EIF2A: variants seen among roughly 807,000 people sequenced by gnomAD.
EIF2A encodes the protein eukaryotic translation initiation factor 2A.
In EIF2A, 62 loss-of-function variants were observed where a neutral mutation model predicts 75.2. The observed-to-expected ratio is 0.82, with a 90% CI of 0.67 to 1.02. The LOEUF is 1.02. EIF2A is among the 50% of genes least tolerant of loss of function. The probability of loss-of-function intolerance (pLI) is 0.00; values close to 1 mark genes in which losing one functional copy is unlikely to be tolerated. For synonymous variants in EIF2A, 207 were observed against 239.0 expected (o/e 0.87, Z 1.23); for missense variants, 611 against 677.7 (o/e 0.90, Z 1.09).
intron 1 of EIF2A, 193 bp downstream of exon 1, chr3:150,547,023 A>G: frequency 1.6e-6 from 1 of 642,112 alleles, no homozygotes; most frequent in Non-Finnish European, 2.7e-6. Flanking sequence ...GGGCTTTCGT[A>G]TTCCCCCTCC....
At chr3:150,571,803 C>T (rs1724540053) in intron 9 of EIF2A, among the ~76,000 whole-genome samples, 155 bp from the exon 10 acceptor site, 1 of 151,802 alleles carries the variant, frequency 6.6e-6, no homozygotes. Flanking sequence ...CATTAATCCC[C>T]CTAGTATATA....
intron 11 of EIF2A, among the ~76,000 whole-genome samples, chr3:150,576,762 A>G (rs1478026108): frequency 2.0e-5 from 3 of 152,240 alleles, no homozygotes; most frequent in Admixed American, 6.5e-5. Context: ...TTATAGTACT[A>G]TATGAAATTA....
rs1725383410 is a variant in EIF2A at position 150,584,860 on chromosome 3, A to G, written c.*949A>G. Among the ~76,000 whole-genome samples, 1 of 152,080 alleles carries G rather than the reference A, an allele frequency of 6.6e-6. No homozygotes were observed. The highest frequency in any genetic ancestry group is 6.5e-5 in the Admixed American group (1 of 15,278). ...TTTTAAAAATTTTTAAAGAAAAAGT[A>G]TACACACAGGACTTTTTTTTTTCTA... On this transcript the variant is annotated 3_prime_UTR_variant, in exon 14 of 14. Coordinates refer to ENST00000460851, the MANE Select transcript of EIF2A (RefSeq NM_032025.5).
intron 1 of EIF2A, chr3:150,547,302 T>A (rs554414840): frequency 5.7e-6 from 1 of 174,926 alleles, no homozygotes; most frequent in East Asian, 1.4e-4. Context: ...TAGGACTGAA[T>A]AGGGAGAGTG....
chr3:150,575,632 T>G lies in EIF2A; in HGVS notation c.1384-17T>G. On this transcript the variant is annotated splice_polypyrimidine_tract_variant and intron_variant, in intron 10 of 13. Coordinates refer to ENST00000460851, the MANE Select transcript of EIF2A (RefSeq NM_032025.5). ...CAACATGGACTCCATTTCAAAATTA[T>G]TTTACATTTTCCATAGCATGAAGAG... 6.3e-7 allele frequency: 1 copy of G among 1,585,330 alleles called. No individual in the cohort carries two copies.
chr3:150,557,437 C>T lies in EIF2A; in HGVS notation c.99-951C>T, dbSNP rs74773234. The T allele has an allele frequency of 8.1e-3, 1,294 of 160,166 alleles. 133 individuals carry two copies. In the East Asian group the frequency reaches 0.2, roughly 24 times the overall value. 9.9% of individuals were successfully genotyped at this position (160,166 alleles called of 1,614,324 possible). ...TTTATTTTTTTGTGTGGTGGAGTCT[C>T]ACTCTTTCGCCCAGGCTGGACAGTG... is the stretch of plus-strand genomic sequence containing the variant. On this transcript the variant is annotated intron_variant, in intron 2 of 13. Coordinates refer to ENST00000460851, the MANE Select transcript of EIF2A (RefSeq NM_032025.5).
chr3:150,568,312 T>C lies in EIF2A; in HGVS notation c.811+20T>C. ...AATTACGTGAGTATTCCAGCAGTCT[T>C]CCTTTGATTAGAAACAATGATAGTA... On this transcript the variant is annotated intron_variant, in intron 9 of 13. Transcript: ENST00000460851. 6.4e-7 allele frequency: 1 copy of C among 1,563,972 alleles called. No homozygotes were observed. The highest frequency in any genetic ancestry group is 1.4e-5 in the African/African-American group (1 of 73,388).
At chr3:150,560,061 G>A (rs1178850524) in intron 3 of EIF2A, among the ~76,000 whole-genome samples, 4 of 151,844 alleles carry the variant, frequency 2.6e-5, no homozygotes, top group African/African-American at 9.7e-5. Flanking sequence ...GTTTGTTTTT[G>A]AAGTATTCCT....
chr3:150,565,613 G>A (rs1724126388), intron 6 of EIF2A, among the ~76,000 whole-genome samples: 1 of 151,866 alleles, frequency 6.6e-6, no homozygotes, highest in Non-Finnish European at 1.5e-5. Flanking sequence ...TTTTGTCCAA[G>A]CTGAGTGCAA....
intron 11 of EIF2A, among the ~76,000 whole-genome samples, chr3:150,578,325 TATA>T (rs1724984932): frequency 6.7e-6 from 1 of 148,516 alleles, no homozygotes; most frequent in East Asian, 1.9e-4. Flanking sequence ...TATACTAAAT[TATA>T]ATTGTATTAA....
intron 2 of EIF2A, among the ~76,000 whole-genome samples, chr3:150,556,857 G>C (rs565509862): frequency 6.6e-6 from 1 of 152,294 alleles, no homozygotes; most frequent in East Asian, 1.9e-4. Flanking sequence ...AAGTCAAAAT[G>C]AGCTTCCTAA....
rs890013633 is a variant in EIF2A at position 150,584,872 on chromosome 3, C to CT, written c.*971dup. 6.7e-5 allele frequency among the ~76,000 whole-genome samples: 10 copies of CT among 148,722 alleles called. No individual in the cohort carries two copies. The highest frequency in any genetic ancestry group is 2.0e-4 in the East Asian group (1 of 5,118). ...TTAAAGAAAAAGTATACACACAGGACTTTTTTTTTTCTAATTCAAAAAATA... is the reference window on the plus strand; with the variant it reads ...TTAAAGAAAAAGTATACACACAGGACTTTTTTTTTTTCTAATTCAAAAAATA... On this transcript the variant is annotated 3_prime_UTR_variant, in exon 14 of 14. Transcript: ENST00000460851.
intron 3 of EIF2A, among the ~76,000 whole-genome samples, chr3:150,561,183 T>G (rs1402869917): frequency 6.6e-6 from 1 of 152,184 alleles, no homozygotes; most frequent in East Asian, 1.9e-4. Flanking sequence ...GGGCTGGTTT[T>G]GAACTCCTGG....
intron 2 of EIF2A, among the ~76,000 whole-genome samples, chr3:150,554,864 T>C (rs1490435441): frequency 6.6e-6 from 1 of 152,188 alleles, no homozygotes; most frequent in Non-Finnish European, 1.5e-5. Flanking sequence ...AGTACAGAAA[T>C]GCATCTCAGG....
At chr3:150,561,011 C>T (rs761852483) in intron 3 of EIF2A, among the ~76,000 whole-genome samples, 14 of 152,044 alleles carry the variant, frequency 9.2e-5, no homozygotes, top group Non-Finnish European at 1.9e-4. Flanking sequence ...TCATTTTTGT[C>T]ATTGTACCAT....
intron 3 of EIF2A, among the ~76,000 whole-genome samples, chr3:150,561,258 C>A (rs151000126): frequency 6.6e-6 from 1 of 152,170 alleles, no homozygotes; most frequent in Admixed American, 6.5e-5. Context: ...GCCACTGCAC[C>A]TGGCCCATTT....
At chr3:150,566,985 C>G (rs1246237326) in intron 6 of EIF2A, 1 of 152,200 alleles carries the variant, frequency 6.6e-6, no homozygotes, top group Non-Finnish European at 1.5e-5. Flanking sequence ...GGCGCACTGT[C>G]ACCTCACTGT....
intron 10 of EIF2A, among the ~76,000 whole-genome samples, chr3:150,573,499 G>A (rs561678738): frequency 5.9e-5 from 9 of 152,270 alleles, no homozygotes; most frequent in African/African-American, 1.9e-4. Flanking sequence ...TGATCCACCC[G>A]CCTTGGCCTC....
At chr3:150,562,203 A>T (rs1723912054) in intron 3 of EIF2A, among the ~76,000 whole-genome samples, 3 of 152,088 alleles carry the variant, frequency 2.0e-5, no homozygotes. Flanking sequence ...CGGGCGGATC[A>T]CGAGGTCAGG....
Sources: gnomAD v4.1 joint callset for allele counts (sites outside exome capture counted in the v4.1 genomes callset) on GRCh38, gnomAD v4.1.1 for gene constraint, MANE v1.5 for transcripts, NCBI Gene and HGNC (gene_info 2026-07-23, HGNC 2026-07-21) for gene names.